MAST4: variants seen among roughly 807,000 people sequenced by gnomAD.
MAST4 encodes microtubule-associated serine/threonine-protein kinase 4.
A neutral mutation model predicts 162.7 loss-of-function variants in MAST4; 89 were observed. The observed-to-expected ratio is 0.55, with a 90% confidence interval of 0.46 to 0.65. The LOEUF (loss-of-function observed/expected upper bound fraction) is 0.65, where lower values mean the gene tolerates loss of function less well. MAST4 is among the 30% of genes least tolerant of loss of function. MAST4 has a pLI of 0.00. For missense variants in MAST4, 3,153 were observed against 3,374.0 expected (o/e 0.93, Z 1.62); for synonymous variants, 1,479 against 1,361.1 (o/e 1.09, Z -1.91).
chr5:66,777,782 G>A (rs945709332), intron 2 of MAST4, among the ~76,000 whole-genome samples: 3 of 152,252 alleles, frequency 2.0e-5, no homozygotes, highest in African/African-American at 7.2e-5. Flanking sequence ...TTAGAAAGGT[G>A]TAGATAAGGC....
intron 4 of MAST4, among the ~76,000 whole-genome samples, chr5:67,040,310 C>T (rs1460905050): frequency 6.6e-6 from 1 of 152,160 alleles, no homozygotes; most frequent in Non-Finnish European, 1.5e-5. Context: ...ACACAGTTCT[C>T]TCCAGAGAGC....
chr5:66,860,421 A>G (rs1760013170), intron 3 of MAST4, among the ~76,000 whole-genome samples: 2 of 152,164 alleles, frequency 1.3e-5, no homozygotes, highest in Non-Finnish European at 1.5e-5. Flanking sequence ...ATTTTTGCCC[A>G]TAACAGAGGT....
chr5:66,719,093 C>T (rs1428922119), intron 1 of MAST4, among the ~76,000 whole-genome samples: 1 of 152,146 alleles, frequency 6.6e-6, no homozygotes, highest in Non-Finnish European at 1.5e-5. Flanking sequence ...GGGAAGTGAA[C>T]TGCATATGTT....
At chr5:66,975,168 G>A (rs1184867849) in intron 4 of MAST4, among the ~76,000 whole-genome samples, 1 of 152,124 alleles carries the variant, frequency 6.6e-6, no homozygotes, top group Non-Finnish European at 1.5e-5. Context: ...CTCCCTGAGA[G>A]CCTCACAGGG....
intron 4 of MAST4, among the ~76,000 whole-genome samples, chr5:66,923,266 CTGAT>C (rs1480270326): frequency 1.3e-5 from 2 of 152,156 alleles, no homozygotes; most frequent in African/African-American, 4.8e-5. Context: ...AGCAGTATAA[CTGAT>C]TAAAAGAAAC....
chr5:66,710,509 C>T lies in MAST4; in HGVS notation c.364-49200C>T, dbSNP rs114802425. ...GTCTATAGACGCACGTTACATCTTC[C>T]GTAGCCCAGGGAATTCCCTGGACTT... On this transcript the variant is annotated intron_variant, in intron 1 of 28. Transcript: ENST00000403625. 6.5e-3 allele frequency among the ~76,000 whole-genome samples: 992 copies of T among 152,192 alleles called. 2 individuals carry two copies. Among genetic ancestry groups the T allele is most frequent in the South Asian group, 0.03 (143 of 4,814 alleles).
In MAST4 at chr5:67,167,025, A is replaced by G. The variant is rs1294925332; in HGVS notation, c.7846A>G (p.Ser2616Gly). The part of the protein sequence containing the change: ...RQRRGKESLR[S>G]SPHKKAL ...GAGGCGGGGGAAAGAGAGTTTGCGT[A>G]GCAGCCCTCACAAAAAGGCCTTGTA... The change falls in exon 29 of 29, where the codon AGC becomes GGC. Residue 2616 changes from serine (S) to glycine (G), a missense_variant. Ser to Gly is a moderately conservative substitution (Grantham distance 56, BLOSUM62 0). Coordinates refer to ENST00000403625, the MANE Select transcript of MAST4 (RefSeq NM_001164664.2). 2 of 1,596,680 alleles carry G rather than the reference A, an allele frequency of 1.3e-6. No homozygotes were observed. Among genetic ancestry groups the G allele is most frequent in the Admixed American group, 1.7e-5 (1 of 58,164 alleles).
chr5:67,116,731 G>A (rs569063347), intron 12 of MAST4, among the ~76,000 whole-genome samples: 5 of 152,036 alleles, frequency 3.3e-5, no homozygotes, highest in Admixed American at 6.5e-5. Context: ...CAGGAGAATC[G>A]CTCGAACCCA....
chr5:67,094,897 G>A (rs1302935635), intron 6 of MAST4, among the ~76,000 whole-genome samples: 1 of 152,080 alleles, frequency 6.6e-6, no homozygotes, highest in African/African-American at 2.4e-5. Flanking sequence ...TTCTATCACT[G>A]GTGGAGAAGG....
intron 1 of MAST4, among the ~76,000 whole-genome samples, chr5:66,686,497 A>G (rs1214672743): frequency 1.3e-5 from 2 of 152,200 alleles, no homozygotes; most frequent in Non-Finnish European, 2.9e-5. Flanking sequence ...TTTTAATAAG[A>G]CTTGAAGAAT....
chr5:66,700,794 T>C (rs528316045), intron 1 of MAST4, among the ~76,000 whole-genome samples: 4,162 of 112,418 alleles, frequency 0.037, 199 homozygotes, highest in African/African-American at 0.13. Flanking sequence ...TATATATATA[T>C]ATATATACAC....
intron 5 of MAST4, among the ~76,000 whole-genome samples, chr5:67,067,012 C>T (rs997385940): frequency 2.0e-5 from 3 of 152,168 alleles, no homozygotes; most frequent in Non-Finnish European, 4.4e-5. Context: ...ACTTTGTACC[C>T]AGTGACATCA....
intron 1 of MAST4, among the ~76,000 whole-genome samples, chr5:66,629,389 G>A (rs1046405478): frequency 6.6e-6 from 1 of 152,234 alleles, no homozygotes; most frequent in Middle Eastern, 3.4e-3. Flanking sequence ...TGAGCCTGGC[G>A]GACTTGTGCC....
chr5:67,040,682 A>G (rs1298584526), intron 4 of MAST4, among the ~76,000 whole-genome samples: 1 of 152,216 alleles, frequency 6.6e-6, no homozygotes, highest in African/African-American at 2.4e-5. Flanking sequence ...TTGGTATCCT[A>G]AGTACCAGCT....
Position 67,069,301 on chromosome 5 carries a change from TATATATATATAA to T in MAST4, c.763+14811_763+14822del, listed in dbSNP as rs1334755980. Among the ~76,000 whole-genome samples the T allele has an allele frequency of 2.1e-5, 3 of 143,356 alleles. 1 individual carries two copies. The highest frequency in any genetic ancestry group is 4.5e-5 in the Non-Finnish European group (3 of 65,962). The allele number at this position is 143,356 out of a possible 152,430, so 94.0% of individuals were successfully genotyped here. A position where few individuals can be genotyped will look rare whatever the true frequency, so the allele number is the denominator to read the frequency against. The stretch of plus-strand genomic sequence containing the variant: ...GGAGGAGATTGGATATATATATATA[TATATATATATAA>T]AATTTTAAAATATTCCTTCTAAGGC... On this transcript the variant is annotated intron_variant, in intron 5 of 28. Transcript: ENST00000403625.
At chr5:66,879,820 TCTTA>T (rs769969703) in intron 3 of MAST4, among the ~76,000 whole-genome samples, 4 of 152,236 alleles carry the variant, frequency 2.6e-5, no homozygotes, top group East Asian at 1.9e-4. Flanking sequence ...GAAATAGCTT[TCTTA>T]CTTATAATTC....
intron 3 of MAST4, among the ~76,000 whole-genome samples, chr5:66,837,912 T>A (rs866906251): frequency 2.2e-3 from 256 of 117,992 alleles, no homozygotes; most frequent in African/African-American, 7.6e-3. Flanking sequence ...TTTTTTTTTT[T>A]TTTTTAATGT....
chr5:66,846,057 G>A (rs1193206404), intron 3 of MAST4, among the ~76,000 whole-genome samples: 2 of 152,110 alleles, frequency 1.3e-5, no homozygotes, highest in African/African-American at 4.8e-5. Flanking sequence ...TCAGTTTTTA[G>A]AGAAGAAAAC....
chr5:66,849,402 T>TCCC (rs1759133573), intron 3 of MAST4, among the ~76,000 whole-genome samples: 1 of 152,156 alleles, frequency 6.6e-6, no homozygotes, highest in East Asian at 1.9e-4. Flanking sequence ...TCCCTCCTCC[T>TCCC]GTCTATTCTC....
Sources: gnomAD v4.1 joint callset for allele counts (sites outside exome capture counted in the v4.1 genomes callset) on GRCh38, gnomAD v4.1.1 for gene constraint, MANE v1.5 for transcripts, NCBI Gene and HGNC (gene_info 2026-07-23, HGNC 2026-07-21) for gene names.